Variants in ALS2CL observed in about 807,000 individuals in gnomAD.
ALS2CL encodes ALS2 C-terminal-like protein.
A neutral mutation model predicts 127.9 loss-of-function variants in ALS2CL; 112 were observed. That is an observed-to-expected ratio of 0.88 (90% CI 0.75 to 1.02). The LOEUF is 1.02. Among genes scored for constraint, ALS2CL ranks in the 50% least tolerant of loss-of-function variants. The probability of loss-of-function intolerance (pLI) is 0.00; values close to 1 mark genes in which losing one functional copy is unlikely to be tolerated. For synonymous variants in ALS2CL, 519 were observed against 527.6 expected, an observed-to-expected ratio of 0.98 and a Z score of 0.22; for missense variants, 1,174 against 1,236.7, an observed-to-expected ratio of 0.95 and a Z score of 0.76.
intron 10 of ALS2CL, 51 bp downstream of exon 10, chr3:46,683,079 C>T (rs9847407): frequency 0.41 from 610,079 of 1,487,674 alleles, 128,311 homozygotes; most frequent in Non-Finnish European, 0.43. Flanking sequence ...CTCTCTGCCC[C>T]GCAGACCCCC....
chr3:46,669,781 A>T lies in ALS2CL; in HGVS notation c.*1203T>A, dbSNP rs1698254632. 6.6e-6 allele frequency: 1 copy of T among 152,184 alleles called. No homozygotes were observed. The allele number at this position is 152,184 out of a possible 1,614,324, so 9.4% of individuals were successfully genotyped here. Reference sequence around the variant, plus strand: ...GCTCTCTCTGCCCACTGCCCACATCATCTCTGGGACTCTGCGGGTGCCCTC... The same window carrying T: ...GCTCTCTCTGCCCACTGCCCACATCTTCTCTGGGACTCTGCGGGTGCCCTC... On this transcript the variant is annotated 3_prime_UTR_variant, in exon 26 of 26. Coordinates refer to ENST00000318962, the MANE Select transcript of ALS2CL (RefSeq NM_147129.5).
At position 46,687,679 on chromosome 3, in the gene ALS2CL, A is replaced by C. The variant is rs1386357313; in HGVS notation, c.308T>G (p.Ile103Ser). 1 of 1,612,334 alleles carries C rather than the reference A, an allele frequency of 6.2e-7. No individual in the cohort carries two copies. The highest frequency in any genetic ancestry group is 1.3e-5 in the African/African-American group (1 of 74,864). The change falls in exon 4 of 26, where the codon ATT becomes AGT. Residue 103 changes from isoleucine (I) to serine (S), a missense_variant. Ile to Ser is a moderately radical substitution (Grantham distance 142). Coordinates refer to ENST00000318962, the MANE Select transcript of ALS2CL (RefSeq NM_147129.5). ...DRVLQAHIEY[I>S]ESYTSCMVVQ... ...CACCATGCAGCTTGTGTAGGACTCA[A>C]TGTACCTGCAGGCAGCACAGGGGAC... is the stretch of plus-strand genomic sequence containing the variant.
At chr3:46,693,459 G>A (rs1015055609) in intron 1 of ALS2CL, 184 bp downstream of exon 1, 2 of 152,536 alleles carry the variant, frequency 1.3e-5, no homozygotes, top group Admixed American at 6.5e-5. Flanking sequence ...GCCAGGCAGG[G>A]AGGACGACGC....
Position 46,676,916 on chromosome 3 carries a change from G to A in ALS2CL, c.1864C>T (p.Leu622=). The change falls in exon 17 of 26, where the codon CTG becomes TTG. Residue 622 remains leucine (L), a synonymous_variant. Transcript: ENST00000318962. The part of the protein sequence containing the change: ...AGCPRDLQEA[L]LGFDVQSSRE... ...GAGCTCTGCACGTCGAAGCCCAGCA[G>A]GGCCTCCTGCAGGTCCCTGGGGCAG... The A allele has an allele frequency of 1.9e-6, 3 of 1,613,714 alleles. No homozygotes were observed. The highest frequency in any genetic ancestry group is 2.5e-6 in the Non-Finnish European group (3 of 1,179,984).
intron 10 of ALS2CL, 44 bp from the exon 11 acceptor site, chr3:46,682,138 C>A (rs777909666): frequency 6.3e-7 from 1 of 1,597,304 alleles, no homozygotes; most frequent in Non-Finnish European, 8.6e-7. Flanking sequence ...CTACCCACCC[C>A]TCAGCAACCT....
chr3:46,681,368 C>T lies in ALS2CL; in HGVS notation c.1314G>A (p.Glu438=). 1.2e-6 allele frequency: 2 copies of T among 1,608,568 alleles called. No individual in the cohort carries two copies. Among genetic ancestry groups the T allele is most frequent in the East Asian group, 2.2e-5 (1 of 44,676 alleles). Residue 438 remains glutamate, a synonymous_variant, in exon 13 of 26, where the codon GAG becomes GAA. Transcript: ENST00000318962. This position sits in a 1 kb window ranked among gnomAD's most constrained non-coding sequence, Gnocchi z 4.9. The part of the protein sequence containing the change: ...TDEVYKGYFQ[E]GLRHGFGVLE... ...GGACCCCAAATCCGTGCCGCAGGCC[C>T]TCCTGGAAGTAGCCCTTGTACACCT... is the stretch of plus-strand genomic sequence containing the variant.
Position 46,672,020 on chromosome 3 carries a change from G to C in ALS2CL, c.2548C>G (p.Pro850Ala). 1 of 1,613,984 alleles carries C rather than the reference G, an allele frequency of 6.2e-7. No homozygotes were observed. Among genetic ancestry groups the C allele is most frequent in the Non-Finnish European group, 8.5e-7 (1 of 1,180,022 alleles). Residue 850 changes from proline to alanine, a missense_variant, in exon 24 of 26, where the codon CCA becomes GCA. Transcript: ENST00000318962. ...CLQKIMTTVD[P>A]REKLEVLERT... ...TCCAGCACCTCCAGCTTCTCCCGTG[G>C]GTCCACCGTGGTCCTGCAGCAGGGT...
Position 46,682,025 on chromosome 3 carries a change from T to C in ALS2CL, c.1175+4A>G. The C allele has an allele frequency of 6.2e-7, 1 of 1,613,884 alleles. No homozygotes were observed. On this transcript the variant is annotated splice_donor_region_variant and intron_variant, in intron 11 of 25. Transcript: ENST00000318962. ...CTCCCAGCAGTAGCCCCAGCCAGCC[T>C]TACCCATGCTCCAGGCCCTGGCAGA...
chr3:46,691,555 CAGCTGCTCCCCCAGGAGCAGCCCTCACCT>C (rs1660701975), intron 1 of ALS2CL, among the ~76,000 whole-genome samples: 1 of 152,056 alleles, frequency 6.6e-6, no homozygotes, highest in Non-Finnish European at 1.5e-5. Flanking sequence ...TGCCCAGTCT[CAGCTGCTCCCCCAGGAGCAGCCCTCACCT>C]GGCTGCTCAG....
At position 46,686,203 on chromosome 3, in the gene ALS2CL, G is replaced by A. The variant is rs1254482885; in HGVS notation, c.666+105C>T. ...CAGCCATCACTCCCCCTTCCATATA[G>A]GGAAACTGAGGCCCAGAGAATACAG... On this transcript the variant is annotated intron_variant, in intron 6 of 25. Transcript: ENST00000318962. The surrounding 1 kb of genome is among the most constrained non-coding windows in gnomAD (Gnocchi z 4.3). 6 of 1,425,230 alleles carry A rather than the reference G, an allele frequency of 4.2e-6. No individual in the cohort carries two copies. The highest frequency in any genetic ancestry group is 3.0e-5 in the South Asian group (2 of 66,290). The allele number at this position is 1,425,230 out of a possible 1,614,324, so 88.3% of individuals were successfully genotyped here.
rs777639382 is a variant in ALS2CL at position 46,681,259 on chromosome 3, C to T, written c.1423G>A (p.Glu475Lys). ...CAGGGCGCTCACCTGTCACCATCCT[C>T]CTCAATGCCATAGCCGCTCCTCTGG... ...RGQRSGYGIE[E>K]DGDRGERYIG... is the part of the protein sequence containing the mutation. Residue 475 changes from glutamate (E) to lysine (K), a missense_variant, in exon 13 of 26, where the codon GAG (glutamate) becomes AAG (lysine). Transcript: ENST00000318962. This position sits in a 1 kb window ranked among gnomAD's most constrained non-coding sequence, Gnocchi z 4.9. The T allele has an allele frequency of 6.2e-7, 1 of 1,613,950 alleles. No individual in the cohort carries two copies. Among genetic ancestry groups the T allele is most frequent in the South Asian group, 1.1e-5 (1 of 91,080 alleles).
At chr3:46,676,093 CT>C in intron 19 of ALS2CL, 151 bp downstream of exon 19, 1 of 1,390,540 alleles carries the variant, frequency 7.2e-7, no homozygotes, top group Non-Finnish European at 9.5e-7. Context: ...CCCTCTAACC[CT>C]TTTGCTCAGC....
chr3:46,674,635 T>C lies in ALS2CL; in HGVS notation c.2360A>G (p.Tyr787Cys), dbSNP rs759477238. Residue 787 changes from tyrosine (Y) to cysteine (C), a missense_variant, in exon 21 of 26, where the codon TAC becomes TGC. Tyr to Cys is a radical substitution (Grantham distance 194). Coordinates refer to ENST00000318962, the MANE Select transcript of ALS2CL (RefSeq NM_147129.5). The part of the protein sequence containing the change: ...LLLHEREDSF[Y>C]SQGIANLSLF... ...GCTCAAGTTGGCAATGCCCTGGCTGTAGAAGCTGTCCTCCCGCTCATGAAG... is the reference window on the plus strand; with the variant it reads ...GCTCAAGTTGGCAATGCCCTGGCTGCAGAAGCTGTCCTCCCGCTCATGAAG... 13 of 1,614,006 alleles carry C rather than the reference T, an allele frequency of 8.1e-6. No individual in the cohort carries two copies. Among genetic ancestry groups the C allele is most frequent in the Middle Eastern group, 1.6e-4 (1 of 6,080 alleles).
At position 46,670,689 on chromosome 3, in the gene ALS2CL, G is replaced by T; in HGVS notation, c.*295C>A. On this transcript the variant is annotated 3_prime_UTR_variant, in exon 26 of 26. Coordinates refer to ENST00000318962, the MANE Select transcript of ALS2CL (RefSeq NM_147129.5). The surrounding 1 kb of genome is among the most constrained non-coding windows in gnomAD (Gnocchi z 5.5). ...AGAGGCTCTGGAACTTGGGAGAAAG[G>T]CTCAGGCTAAGAGAAGCCAGGGACT... 5.1e-6 allele frequency: 2 copies of T among 390,498 alleles called. No individual in the cohort carries two copies. The highest frequency in any genetic ancestry group is 4.8e-6 in the Non-Finnish European group (1 of 206,622). 24.2% of individuals were successfully genotyped at this position (390,498 alleles called of 1,614,324 possible).
At chr3:46,684,173 G>A (rs1233418536) in intron 7 of ALS2CL, 126 bp from the exon 8 acceptor site, 10 of 1,110,188 alleles carry the variant, frequency 9.0e-6, no homozygotes, top group African/African-American at 4.7e-5. Context: ...GCATGTCCAG[G>A]ACTGAGTCCC....
In ALS2CL at chr3:46,674,329, G is replaced by A. The variant is rs149120711; in HGVS notation, c.2429+237C>T. The stretch of plus-strand genomic sequence containing the variant: ...AGCTGGGAGGGTATGAACCTTGAGC[G>A]GTTGGTGCTTATGGTGTTTGTCACC... On this transcript the variant is annotated intron_variant, in intron 21 of 25. Coordinates refer to ENST00000318962, the MANE Select transcript of ALS2CL (RefSeq NM_147129.5). 3.8e-3 allele frequency among the ~76,000 whole-genome samples: 583 copies of A among 152,294 alleles called. 2 individuals are homozygous for A. The highest frequency in any genetic ancestry group is 0.01 in the Middle Eastern group (3 of 294).
chr3:46,687,101 C>T lies in ALS2CL; in HGVS notation c.416G>A (p.Gly139Asp). 2 of 1,584,090 alleles carry T rather than the reference C, an allele frequency of 1.3e-6. No homozygotes were observed. The highest frequency in any genetic ancestry group is 2.3e-5 in the South Asian group (2 of 88,260). ...GCCCACCGAGCCCTCTGAGCTCACA[C>T]CTGAAAGCAGCTGCCGCAGCGCCTT... The part of the protein sequence containing the change: ...QRKALRQLLS[G>D]VSSEGSVGAS... Residue 139 changes from glycine to aspartate, a missense_variant, in exon 5 of 26, where the codon GGT (glycine) becomes GAT (aspartate). Transcript: ENST00000318962.
At chr3:46,684,217 A>C (rs909441495) in intron 7 of ALS2CL, among the ~76,000 whole-genome samples, 170 bp from the exon 8 acceptor site, 14 of 152,236 alleles carry the variant, frequency 9.2e-5, no homozygotes, top group African/African-American at 3.1e-4. Flanking sequence ...CCTCAGGGAC[A>C]GCTCCTCCAT....
At chr3:46,675,511 G>A in intron 20 of ALS2CL, 107 bp downstream of exon 20, 2 of 1,049,186 alleles carry the variant, frequency 1.9e-6, no homozygotes, top group Non-Finnish European at 2.9e-6. Context: ...TAGAGTGAAT[G>A]CCCAGCACTT....
Sources: gnomAD v4.1 joint callset for allele counts (sites outside exome capture counted in the v4.1 genomes callset) on GRCh38, gnomAD v4.1.1 for gene constraint, Gnocchi (gnomAD v3.1) non-coding constraint, MANE v1.5 for transcripts, NCBI Gene and HGNC (gene_info 2026-07-23, HGNC 2026-07-21) for gene names.